The following ATE1 variants were observed in gnomAD, a reference collection of about 807,000 sequenced individuals.
The protein encoded by ATE1 is arginyl-tRNA--protein transferase 1.
Under a neutral mutation model 70.5 loss-of-function variants are expected in ATE1, and 36 were observed. The observed-to-expected ratio is 0.51, with a 90% CI of 0.39 to 0.67. The LOEUF is 0.67. Ranked by LOEUF, ATE1 falls within the 30% of genes least tolerant of loss-of-function variation. The pLI, the probability that ATE1 is intolerant of heterozygous loss-of-function variation, is 0.00. For missense variants in ATE1, 593 were observed against 629.5 expected, an observed-to-expected ratio of 0.94 and a Z score of 0.62; for synonymous variants, 232 against 219.3, an observed-to-expected ratio of 1.06 and a Z score of -0.51.
At chr10:121,773,650 C>T (rs1945613805) in intron 11 of ATE1, among the ~76,000 whole-genome samples, 1 of 152,058 alleles carries the variant, frequency 6.6e-6, no homozygotes, top group Non-Finnish European at 1.5e-5. Context: ...AGTCTTGAAC[C>T]TATTATATAA....
intron 7 of ATE1, among the ~76,000 whole-genome samples, chr10:121,883,832 C>T (rs879761053): frequency 9.2e-5 from 14 of 151,810 alleles, no homozygotes; most frequent in Non-Finnish European, 1.6e-4. Flanking sequence ...GACTGGGGTG[C>T]GGTGGTTCAC....
At chr10:121,828,888 C>T (rs1434734056) in intron 10 of ATE1, among the ~76,000 whole-genome samples, 1 of 152,168 alleles carries the variant, frequency 6.6e-6, no homozygotes, top group African/African-American at 2.4e-5. Flanking sequence ...TGCTTTACAT[C>T]ATACAATAAA....
rs1951001117 is a variant in ATE1, at chr10:121,902,039, C to A, written c.813+352G>T. Among the ~76,000 whole-genome samples the A allele has an allele frequency of 2.0e-5, 3 of 152,098 alleles. No individual in the cohort carries two copies. The South Asian group carries it at 6.2e-4, about 32-fold the overall frequency. On this transcript the variant is annotated intron_variant, in intron 6 of 11. Transcript: ENST00000224652. ...TGATTTGCCTTGTGTAATCTATTGT[C>A]TTTCACTATCTAAACCAAAACTGCT...
Position 121,841,183 on chromosome 10 carries a change from A to C in ATE1, c.1056T>G (p.Ala352=). 6.2e-7 allele frequency: 1 copy of C among 1,602,264 alleles called. No individual in the cohort carries two copies. Among genetic ancestry groups the C allele is most frequent in the Non-Finnish European group, 8.5e-7 (1 of 1,172,402 alleles). ...QQYWLDGKII[A]VGVIDILPNC... is the part of the protein sequence containing the mutation. Reference sequence around the variant, plus strand: ...TTGGGAGGATGTCAATCACCCCCACAGCAATGATCTTTCCGTCAAGCCAGT... The same window carrying C: ...TTGGGAGGATGTCAATCACCCCCACCGCAATGATCTTTCCGTCAAGCCAGT... The change falls in exon 9 of 12, where the codon GCT becomes GCG. Residue 352 remains alanine (A), a synonymous_variant. Coordinates refer to ENST00000224652, the MANE Select transcript of ATE1 (RefSeq NM_001001976.3).
intron 10 of ATE1, among the ~76,000 whole-genome samples, chr10:121,807,109 C>G (rs1564853904): frequency 6.6e-6 from 1 of 152,304 alleles, no homozygotes; most frequent in East Asian, 1.9e-4. Context: ...CTCCAAGTAC[C>G]TCACACAGAG....
At chr10:121,748,020 G>A (rs927814439) in intron 11 of ATE1, among the ~76,000 whole-genome samples, 3 of 152,200 alleles carry the variant, frequency 2.0e-5, no homozygotes, top group African/African-American at 2.4e-5. Flanking sequence ...AGTGAAGATC[G>A]GTGAGATCAG....
At position 121,855,542 on chromosome 10, in the gene ATE1, C is replaced by G. The variant is rs375927724; in HGVS notation, c.976-14279G>C. Among the ~76,000 whole-genome samples, 22 of 152,222 alleles carry G rather than the reference C, an allele frequency of 1.4e-4. No homozygotes were observed. In the South Asian group the frequency reaches 3.1e-3, roughly 22 times the overall value. ...AAAGTTGTAGAACTGAAGCGAAAAG[C>G]CTTCTACATGTTTCTGCATCTATAA... On this transcript the variant is annotated intron_variant, in intron 8 of 11. Transcript: ENST00000224652.
At chr10:121,880,207 G>C (rs970150490) in intron 7 of ATE1, among the ~76,000 whole-genome samples, 1 of 152,144 alleles carries the variant, frequency 6.6e-6, no homozygotes, top group Non-Finnish European at 1.5e-5. Context: ...GGTACTGCTT[G>C]CATAATTTAC....
chr10:121,774,053 A>C (rs1397012477), intron 11 of ATE1, among the ~76,000 whole-genome samples: 2 of 152,198 alleles, frequency 1.3e-5, no homozygotes, highest in African/African-American at 4.8e-5. Flanking sequence ...ATGCAGTTTA[A>C]ATGTTTTAAG....
rs35850942 is a variant in ATE1 at position 121,743,916 on chromosome 10, CTTTTTTTTTTTTTT to C, written c.1379-72_1379-59del. The C allele has an allele frequency of 1.9e-4, 169 of 870,830 alleles. 2 individuals are homozygous for C. In the African/African-American group the frequency reaches 3.3e-3, roughly 17 times the overall value. 53.9% of individuals were successfully genotyped at this position (870,830 alleles called of 1,614,324 possible). A position where few individuals can be genotyped will look rare whatever the true frequency, so the allele number is the denominator to read the frequency against. On this transcript the variant is annotated intron_variant, in intron 11 of 11. Coordinates refer to ENST00000224652, the MANE Select transcript of ATE1 (RefSeq NM_001001976.3). ...GTCACATATCAAAACTTTTTGTTTCCTTTTTTTTTTTTTTTTTTTTTTTGAGACAAGAGTCTTGC... is the reference window on the plus strand; with the variant it reads ...GTCACATATCAAAACTTTTTGTTTCCTTTTTTTTTGAGACAAGAGTCTTGC...
chr10:121,828,675 G>A (rs1564874367), intron 10 of ATE1, among the ~76,000 whole-genome samples: 2 of 152,196 alleles, frequency 1.3e-5, no homozygotes, highest in Admixed American at 6.5e-5. Flanking sequence ...CTGCTGATGG[G>A]TGGAGCAGCA....
intron 11 of ATE1, among the ~76,000 whole-genome samples, chr10:121,786,332 C>G (rs1160871351): frequency 1.4e-5 from 2 of 143,122 alleles, no homozygotes; most frequent in African/African-American, 5.2e-5. Flanking sequence ...CGGCTCTAAA[C>G]CAATTACAAA....
intron 8 of ATE1, among the ~76,000 whole-genome samples, chr10:121,864,920 T>C (rs1294708989): frequency 6.6e-6 from 1 of 152,112 alleles, no homozygotes; most frequent in Non-Finnish European, 1.5e-5. Context: ...GGACAGCTCC[T>C]CACAACAAAG....
chr10:121,850,101 AACTC>A (rs1354556403), intron 8 of ATE1, among the ~76,000 whole-genome samples: 1 of 152,224 alleles, frequency 6.6e-6, no homozygotes, highest in Non-Finnish European at 1.5e-5. Context: ...ACTAGAAACT[AACTC>A]ACTATCAAAT....
intron 10 of ATE1, among the ~76,000 whole-genome samples, chr10:121,808,032 C>T (rs1947168263): frequency 6.6e-6 from 1 of 151,990 alleles, no homozygotes; most frequent in South Asian, 2.1e-4. Context: ...GAGAGAAATG[C>T]CGATTTCCAG....
At chr10:121,866,880 T>C (rs2133996504) in intron 8 of ATE1, among the ~76,000 whole-genome samples, 1 of 151,396 alleles carries the variant, frequency 6.6e-6, no homozygotes, top group South Asian at 2.1e-4. Flanking sequence ...GTATATTCTA[T>C]ATACTCTAGC....
intron 11 of ATE1, among the ~76,000 whole-genome samples, chr10:121,777,105 G>C (rs762223171): frequency 6.6e-6 from 1 of 152,188 alleles, no homozygotes. Context: ...TATGTAGTCT[G>C]AATTTCCCAC....
At chr10:121,811,812 A>G (rs1394278882) in intron 10 of ATE1, among the ~76,000 whole-genome samples, 1 of 152,224 alleles carries the variant, frequency 6.6e-6, no homozygotes, top group Non-Finnish European at 1.5e-5. Flanking sequence ...CCAAAAAAAT[A>G]TGAAAAACTA....
chr10:121,928,034 C>T (rs895967320), upstream of ATE1: 1 of 1,255,504 alleles, frequency 8.0e-7, no homozygotes, highest in African/African-American at 1.6e-5. Context: ...AGCGCGCCGC[C>T]CGGGAGCCTC....
Sources: gnomAD v4.1 joint callset for allele counts (sites outside exome capture counted in the v4.1 genomes callset) on GRCh38, gnomAD v4.1.1 for gene constraint, MANE v1.5 for transcripts, NCBI Gene and HGNC (gene_info 2026-07-23, HGNC 2026-07-21) for gene names.